SEC11A: variants seen among roughly 807,000 people sequenced by gnomAD.
SEC11A encodes the protein signal peptidase complex catalytic subunit SEC11A.
A neutral mutation model predicts 25.6 loss-of-function variants in SEC11A; 14 were observed. The ratio of observed to expected loss-of-function variants is 0.55; its 90% CI spans 0.36 to 0.85. SEC11A has a LOEUF of 0.85. Ranked by LOEUF, SEC11A falls within the 40% of genes least tolerant of loss-of-function variation. SEC11A has a pLI of 0.01. For synonymous variants in SEC11A, 83 were observed against 76.4 expected (o/e 1.09, Z -0.45); for missense variants, 153 against 222.9 (o/e 0.69, Z 2.00).
intron 4 of SEC11A, chr15:84,679,106 G>A (rs189305545): frequency 3.4e-6 from 1 of 292,314 alleles, no homozygotes; most frequent in Non-Finnish European, 6.8e-6. Flanking sequence ...AGAAAAAGGA[G>A]ACAAGAAGTG....
At chr15:84,714,782 T>G (rs1490852228) in intron 1 of SEC11A, 3 of 152,212 alleles carry the variant, frequency 2.0e-5, no homozygotes, top group Non-Finnish European at 4.4e-5. Context: ...AAAAAGTTAT[T>G]GTTTTGCCTT....
At chr15:84,693,264 T>C (rs564355319) in intron 1 of SEC11A, among the ~76,000 whole-genome samples, 58 of 151,966 alleles carry the variant, frequency 3.8e-4, no homozygotes, top group Non-Finnish European at 7.2e-4. Flanking sequence ...CAACCAAATG[T>C]AACGCACAAA....
At chr15:84,709,117 T>C (rs1898185417) in intron 1 of SEC11A, among the ~76,000 whole-genome samples, 1 of 152,048 alleles carries the variant, frequency 6.6e-6, no homozygotes, top group African/African-American at 2.4e-5. Context: ...GAGAAGTCAA[T>C]TCTAAAAATT....
chr15:84,677,824 A>C (rs1000111383), intron 4 of SEC11A, among the ~76,000 whole-genome samples: 1 of 152,122 alleles, frequency 6.6e-6, no homozygotes, highest in African/African-American at 2.4e-5. Flanking sequence ...AAGCTCCCCT[A>C]ACCTTTCGTA....
intron 1 of SEC11A, among the ~76,000 whole-genome samples, chr15:84,704,157 C>T (rs1363528905): frequency 6.6e-6 from 1 of 152,188 alleles, no homozygotes; most frequent in East Asian, 1.9e-4. Flanking sequence ...TTTCTTCTTG[C>T]TAGAGTAAAC....
chr15:84,682,559 C>T (rs1897308524), intron 3 of SEC11A, among the ~76,000 whole-genome samples: 1 of 152,078 alleles, frequency 6.6e-6, no homozygotes, highest in Admixed American at 6.6e-5. Flanking sequence ...AGCGATTCTC[C>T]TGCCTCAGCC....
At chr15:84,709,357 A>C (rs1898193351) in intron 1 of SEC11A, among the ~76,000 whole-genome samples, 1 of 152,026 alleles carries the variant, frequency 6.6e-6, no homozygotes, top group Non-Finnish European at 1.5e-5. Flanking sequence ...AATGATTTAT[A>C]ATTAAAAATA....
At chr15:84,682,906 T>G (rs1043094465) in intron 3 of SEC11A, among the ~76,000 whole-genome samples, 2 of 152,108 alleles carry the variant, frequency 1.3e-5, no homozygotes, top group African/African-American at 4.8e-5. Flanking sequence ...GATTGACCAC[T>G]GTAGTAGAAA....
At chr15:84,714,613 C>G (rs756723157) in intron 1 of SEC11A, 4 of 152,204 alleles carry the variant, frequency 2.6e-5, no homozygotes, top group Non-Finnish European at 4.4e-5. Flanking sequence ...CAGTAAGTAG[C>G]AGAGCTACTT....
chr15:84,687,665 C>T lies in SEC11A; in HGVS notation c.271G>A (p.Glu91Lys). Residue 91 changes from glutamate (E) to lysine (K), a missense_variant, in exon 3 of 6, where the codon GAG (glutamate) becomes AAG (lysine). By Grantham distance (56) the Glu-to-Lys change is moderately conservative. Coordinates refer to ENST00000268220, the MANE Select transcript of SEC11A (RefSeq NM_014300.4). ...EIVVFRIEGREIPIVHRVLKI... is the reference protein window; with the variant it reads ...EIVVFRIEGRKIPIVHRVLKI... ...AAGACTCGGTGAACTATAGGAATCT[C>T]TCTTCCTTCTATCCTAAAAACAACA... The T allele has an allele frequency of 6.3e-7, 1 of 1,596,344 alleles. No individual in the cohort carries two copies. Among genetic ancestry groups the T allele is most frequent in the Non-Finnish European group, 8.5e-7 (1 of 1,176,226 alleles).
chr15:84,670,013 G>A lies in SEC11A; in HGVS notation c.*6C>T. 6.2e-7 allele frequency: 1 copy of A among 1,613,542 alleles called. No individual in the cohort carries two copies. The highest frequency in any genetic ancestry group is 8.5e-7 in the Non-Finnish European group (1 of 1,179,682). On this transcript the variant is annotated 3_prime_UTR_variant, in exon 6 of 6. Transcript: ENST00000268220. ...GCATCTTCCCAGGAACAGCAAGGCA[G>A]GCTTCTTACTCACGATGAACCAGCA...
chr15:84,672,502 C>G (rs1897013240), intron 4 of SEC11A: 1 of 167,830 alleles, frequency 6.0e-6, no homozygotes, highest in African/African-American at 2.4e-5. Flanking sequence ...CTCCTAACCG[C>G]GAGTGGTCCG....
chr15:84,676,516 G>C (rs1379133218), intron 4 of SEC11A, among the ~76,000 whole-genome samples: 2 of 150,828 alleles, frequency 1.3e-5, no homozygotes, highest in Non-Finnish European at 2.9e-5. Context: ...GCTCACATCT[G>C]TAATCCCAGC....
intron 4 of SEC11A, chr15:84,672,965 A>G: frequency 4.4e-6 from 1 of 226,798 alleles, no homozygotes; most frequent in South Asian, 4.0e-5. Flanking sequence ...CCCGTCTGAG[A>G]AGTGAGGAGA....
Position 84,691,576 on chromosome 15 carries a change from C to T in SEC11A, c.120G>A (p.Met40Ile), listed in dbSNP as rs775591859. ...SSALMIWKGL[M>I]VITGSESPIV... ...TCGGACTTTCACTTCCAGTTATTACCATTAACCCCTTCCAGATCATTAGTG... is the reference window on the plus strand; with the variant it reads ...TCGGACTTTCACTTCCAGTTATTACTATTAACCCCTTCCAGATCATTAGTG... Residue 40 changes from methionine to isoleucine, a missense_variant, in exon 2 of 6, where the codon ATG becomes ATA. Coordinates refer to ENST00000268220, the MANE Select transcript of SEC11A (RefSeq NM_014300.4). The T allele has an allele frequency of 6.2e-7, 1 of 1,612,818 alleles. No individual in the cohort carries two copies. The highest frequency in any genetic ancestry group is 8.5e-7 in the Non-Finnish European group (1 of 1,179,162).
chr15:84,675,178 G>A (rs1567033382), intron 4 of SEC11A, among the ~76,000 whole-genome samples: 1 of 152,226 alleles, frequency 6.6e-6, no homozygotes, highest in Non-Finnish European at 1.5e-5. Context: ...TTTAAAGTAA[G>A]TAAAATGAAT....
At chr15:84,709,961 T>G (rs928172942) in intron 1 of SEC11A, among the ~76,000 whole-genome samples, 2 of 152,122 alleles carry the variant, frequency 1.3e-5, no homozygotes, top group African/African-American at 2.4e-5. Flanking sequence ...CAGACTGGTC[T>G]CAAACTCCTG....
intron 1 of SEC11A, among the ~76,000 whole-genome samples, chr15:84,712,287 T>C (rs1898299349): frequency 6.6e-6 from 1 of 151,770 alleles, no homozygotes; most frequent in Non-Finnish European, 1.5e-5. Context: ...CTACCTCTAT[T>C]ACAAAGCCCA....
chr15:84,681,054 T>C (rs1009036535), intron 3 of SEC11A, among the ~76,000 whole-genome samples: 7 of 152,202 alleles, frequency 4.6e-5, no homozygotes, highest in African/African-American at 1.2e-4. Context: ...TCAAATATTA[T>C]GTAAACATTA....
Sources: gnomAD v4.1 joint callset for allele counts (sites outside exome capture counted in the v4.1 genomes callset) on GRCh38, gnomAD v4.1.1 for gene constraint, MANE v1.5 for transcripts, NCBI Gene and HGNC (gene_info 2026-07-23, HGNC 2026-07-21) for gene names.